Variants in SHANK2 observed in about 807,000 individuals in gnomAD.
SHANK2 encodes the protein SH3 and multiple ankyrin repeat domains protein 2.
A neutral mutation model predicts 133.7 loss-of-function variants in SHANK2; 43 were observed. The ratio of observed to expected loss-of-function variants is 0.32; its 90% CI spans 0.25 to 0.41. The LOEUF (loss-of-function observed/expected upper bound fraction) is 0.41. Ranked by LOEUF, SHANK2 falls within the 10% of genes least tolerant of loss-of-function variation. The probability of loss-of-function intolerance (pLI) is 1.00; values close to 1 mark genes in which losing one functional copy is unlikely to be tolerated. For synonymous variants in SHANK2, 1,017 were observed against 952.8 expected (o/e 1.07, Z -1.24); for missense variants, 1,994 against 2,235.8 (o/e 0.89, Z 2.18).
chr11:71,081,903 G>C (rs1245757383), intron 8 of SHANK2, among the ~76,000 whole-genome samples: 1 of 152,218 alleles, frequency 6.6e-6, no homozygotes, highest in Non-Finnish European at 1.5e-5. Flanking sequence ...GGGCTCCCGT[G>C]CTCTGGTCCT....
intron 2 of SHANK2, among the ~76,000 whole-genome samples, chr11:71,217,694 G>A (rs978628757): frequency 2.6e-5 from 4 of 152,294 alleles, no homozygotes; most frequent in East Asian, 1.9e-4. Context: ...CAAGGCTAAC[G>A]TGTGGATTTG....
chr11:70,484,092 G>A (rs2058770501), intron 25 of SHANK2, among the ~76,000 whole-genome samples: 1 of 152,228 alleles, frequency 6.6e-6, no homozygotes, highest in Admixed American at 6.5e-5. Flanking sequence ...GACTGAAGAT[G>A]CTGCCACCTG....
chr11:70,559,484 G>A (rs550631209), intron 17 of SHANK2, among the ~76,000 whole-genome samples: 2 of 152,006 alleles, frequency 1.3e-5, no homozygotes, highest in Non-Finnish European at 2.9e-5. Context: ...TCACTTACTC[G>A]GGAGATCATT....
At position 70,914,236 on chromosome 11, in the gene SHANK2, G is replaced by C. The variant is rs7933828; in HGVS notation, c.1108-17669C>G. On this transcript the variant is annotated intron_variant, in intron 10 of 25. Transcript: ENST00000601538. ...CTCTGGGGCTCATACAGAGCCACAG[G>C]AACAAGTGTGCAATGGGGTTCCGCT... Among the ~76,000 whole-genome samples the C allele has an allele frequency of 4.3e-3, 661 of 152,210 alleles. 2 individuals carry two copies. The highest frequency in any genetic ancestry group is 0.015 in the African/African-American group (639 of 41,538).
intron 1 of SHANK2, among the ~76,000 whole-genome samples, chr11:71,230,656 G>A (rs900343309): frequency 6.6e-6 from 1 of 151,816 alleles, no homozygotes. Flanking sequence ...GAGGAAATCA[G>A]TATACTCAGC....
rs890427336 is a variant in SHANK2, at chr11:70,532,784, A to T, written c.2062-29853T>A. On this transcript the variant is annotated intron_variant, in intron 17 of 25. Transcript: ENST00000601538. ...TTATAACCCCAGAATAATTCAGAGC[A>T]GGGTCTTAGACCGACACGTGCGCAT... 3.3e-5 allele frequency among the ~76,000 whole-genome samples: 5 copies of T among 152,354 alleles called. No individual in the cohort carries two copies. In the East Asian group the frequency reaches 9.6e-4, roughly 29 times the overall value.
At chr11:71,159,744 G>T (rs1233232793) in intron 2 of SHANK2, among the ~76,000 whole-genome samples, 1 of 152,194 alleles carries the variant, frequency 6.6e-6, no homozygotes, top group East Asian at 1.9e-4. Context: ...AACACTTTGG[G>T]AGGCTGAGGT....
In SHANK2 at chr11:70,487,806, C is replaced by G. The variant is rs1359701228; in HGVS notation, c.2573-86G>C. ...GAACGTGCGATACGCTACATCTCCA[C>G]AAACTCACAAATTCAGATGATGAAC... is the stretch of plus-strand genomic sequence containing the variant. On this transcript the variant is annotated intron_variant, in intron 24 of 25. Coordinates refer to ENST00000601538, the MANE Select transcript of SHANK2 (RefSeq NM_012309.5). The surrounding 1 kb of genome is among the most constrained non-coding windows in gnomAD (Gnocchi z 5.8). 1 of 1,548,056 alleles carries G rather than the reference C, an allele frequency of 6.5e-7. No individual in the cohort carries two copies. Among genetic ancestry groups the G allele is most frequent in the Non-Finnish European group, 8.7e-7 (1 of 1,146,454 alleles).
intron 14 of SHANK2, among the ~76,000 whole-genome samples, chr11:70,708,618 C>T (rs1275568991): frequency 6.6e-6 from 1 of 152,174 alleles, no homozygotes; most frequent in East Asian, 1.9e-4. Context: ...GAGGTTTGGC[C>T]AAGGACCTTA....
chr11:70,652,942 T>G (rs531237987), intron 17 of SHANK2, among the ~76,000 whole-genome samples: 2 of 152,322 alleles, frequency 1.3e-5, no homozygotes, highest in East Asian at 3.9e-4. Flanking sequence ...GCATAATGAC[T>G]GATCATGCTG....
chr11:71,182,510 T>A (rs191200821), intron 2 of SHANK2, among the ~76,000 whole-genome samples: 7 of 152,190 alleles, frequency 4.6e-5, no homozygotes, highest in Admixed American at 4.6e-4. Context: ...GTCCCCCAGC[T>A]TCAGGTGCAT....
At chr11:70,650,952 T>C (rs1462524905) in intron 17 of SHANK2, among the ~76,000 whole-genome samples, 5 of 152,242 alleles carry the variant, frequency 3.3e-5, no homozygotes, top group East Asian at 1.9e-4. Flanking sequence ...ATTTTTACAA[T>C]TGCCACCATT....
intron 11 of SHANK2, among the ~76,000 whole-genome samples, chr11:70,854,859 G>T (rs1949143560): frequency 6.6e-6 from 1 of 152,212 alleles, no homozygotes; most frequent in Admixed American, 6.5e-5. Flanking sequence ...CACAGAGCAG[G>T]GACTAGGCAC....
In SHANK2 at chr11:71,110,056, G is replaced by A; in HGVS notation, c.484-7C>T. On this transcript the variant is annotated splice_polypyrimidine_tract_variant and splice_region_variant and intron_variant, in intron 5 of 25. Coordinates refer to ENST00000601538, the MANE Select transcript of SHANK2 (RefSeq NM_012309.5). ...TGCATTTCTTCAGATTGGTCTAGAA[G>A]GAAAAACAATACAATTGAAACATCT... is the stretch of plus-strand genomic sequence containing the variant. The A allele has an allele frequency of 6.5e-7, 1 of 1,532,346 alleles. No homozygotes were observed. Among genetic ancestry groups the A allele is most frequent in the South Asian group, 1.2e-5 (1 of 83,638 alleles). 94.9% of individuals were successfully genotyped at this position (1,532,346 alleles called of 1,614,324 possible).
chr11:70,567,944 G>A (rs1554982229), intron 17 of SHANK2, among the ~76,000 whole-genome samples: 1 of 152,202 alleles, frequency 6.6e-6, no homozygotes, highest in African/African-American at 2.4e-5. Flanking sequence ...CAAATGGACT[G>A]AGCTATTCAA....
intron 11 of SHANK2, among the ~76,000 whole-genome samples, chr11:70,858,730 G>A (rs1055012018): frequency 1.3e-5 from 2 of 152,254 alleles, no homozygotes; most frequent in African/African-American, 2.4e-5. Context: ...TGAGGCTCAA[G>A]GGACTTGGCT....
rs183385026 is a variant in SHANK2 at position 70,858,114 on chromosome 11, G to A, written c.1175-37432C>T. Among the ~76,000 whole-genome samples the A allele has an allele frequency of 1.3e-4, 20 of 152,298 alleles. No individual in the cohort carries two copies. The Middle Eastern group carries it at 0.01, about 78-fold the overall frequency. ...CCAAATGTGCCAGGAGCTAAATTTA[G>A]GGTGAGGGTTGTACCCAGCCTGTGC... On this transcript the variant is annotated intron_variant, in intron 11 of 25. Coordinates refer to ENST00000601538, the MANE Select transcript of SHANK2 (RefSeq NM_012309.5).
chr11:70,938,994 C>T (rs1950607661), intron 10 of SHANK2, among the ~76,000 whole-genome samples: 1 of 152,106 alleles, frequency 6.6e-6, no homozygotes, highest in Non-Finnish European at 1.5e-5. Flanking sequence ...CCAGGAGAGA[C>T]ACTAGGGCGC....
At position 70,642,633 on chromosome 11, in the gene SHANK2, T is replaced by C. The variant is rs147165526; in HGVS notation, c.2061+17195A>G. ...AGAGGCCGGGCTGCCACTTCCATCC[T>C]TCCCCTGACACCTCCCGTCATCTTC... On this transcript the variant is annotated intron_variant, in intron 17 of 25. Coordinates refer to ENST00000601538, the MANE Select transcript of SHANK2 (RefSeq NM_012309.5). 1.0e-3 allele frequency among the ~76,000 whole-genome samples: 155 copies of C among 152,282 alleles called. 1 individual carries two copies. Among genetic ancestry groups the C allele is most frequent in the African/African-American group, 3.6e-3 (148 of 41,558 alleles).
Sources: allele counts gnomAD v4.1 joint callset (sites outside exome capture counted in the v4.1 genomes callset), GRCh38; gene constraint gnomAD v4.1.1; non-coding constraint Gnocchi (gnomAD v3.1); transcripts MANE v1.5; gene names NCBI Gene and HGNC (gene_info 2026-07-23, HGNC 2026-07-21).